KCND2: variants seen among roughly 807,000 people sequenced by gnomAD.
KCND2 encodes the protein A-type voltage-gated potassium channel KCND2.
In KCND2, 16 loss-of-function variants were observed where a neutral mutation model predicts 54.4. The observed-to-expected ratio is 0.29, with a 90% CI of 0.20 to 0.45. KCND2 has a LOEUF of 0.45. Among genes scored for constraint, KCND2 ranks in the 20% least tolerant of loss-of-function variants. The pLI is 1.00. For missense variants in KCND2, 486 were observed against 824.2 expected (o/e 0.59, Z 5.02); for synonymous variants, 317 against 310.7 (o/e 1.02, Z -0.21).
intron 1 of KCND2, among the ~76,000 whole-genome samples, chr7:120,479,883 C>G (rs930855787): frequency 6.8e-6 from 1 of 146,080 alleles, no homozygotes; most frequent in Admixed American, 6.9e-5. Context: ...ACAAGAATCA[C>G]TTGAACCTAG....
intron 1 of KCND2, among the ~76,000 whole-genome samples, chr7:120,534,387 A>C (rs891073407): frequency 1.3e-5 from 2 of 152,022 alleles, no homozygotes; most frequent in Non-Finnish European, 2.9e-5. Flanking sequence ...TGTCAGTCTA[A>C]CCACAAGACA....
intron 1 of KCND2, among the ~76,000 whole-genome samples, chr7:120,346,127 C>T (rs1800312515): frequency 6.6e-6 from 1 of 152,072 alleles, no homozygotes; most frequent in Non-Finnish European, 1.5e-5. Flanking sequence ...GCTTCTTGGC[C>T]ATTTGTATAT....
chr7:120,516,893 G>T (rs1430884367), intron 1 of KCND2, among the ~76,000 whole-genome samples: 3 of 152,082 alleles, frequency 2.0e-5, no homozygotes, highest in Admixed American at 1.3e-4. Flanking sequence ...AATGTGAACA[G>T]GCTCTAGAGA....
intron 1 of KCND2, among the ~76,000 whole-genome samples, chr7:120,515,398 A>G (rs1803181609): frequency 6.6e-6 from 1 of 152,136 alleles, no homozygotes; most frequent in Non-Finnish European, 1.5e-5. Flanking sequence ...ACAAGAGATA[A>G]TTTATATTAG....
chr7:120,702,718 A>G (rs559323920), intron 1 of KCND2, among the ~76,000 whole-genome samples: 5 of 152,234 alleles, frequency 3.3e-5, no homozygotes, highest in African/African-American at 1.2e-4. Context: ...ACTTATAAGC[A>G]GGAGCTAAAT....
intron 1 of KCND2, among the ~76,000 whole-genome samples, chr7:120,283,782 A>T (rs2116260673): frequency 6.6e-6 from 1 of 152,302 alleles, no homozygotes; most frequent in Non-Finnish European, 1.5e-5. Context: ...AAGGATTTTC[A>T]TTCCTTTTTT....
intron 1 of KCND2, among the ~76,000 whole-genome samples, chr7:120,367,641 CTT>C (rs563751531): frequency 7.3e-6 from 1 of 137,724 alleles, no homozygotes; most frequent in Non-Finnish European, 1.6e-5. Context: ...TTTTCTTTTT[CTT>C]TTTTTTTTTA....
intron 1 of KCND2, among the ~76,000 whole-genome samples, chr7:120,413,904 C>T (rs148979409): frequency 5.3e-4 from 80 of 150,844 alleles, no homozygotes; most frequent in African/African-American, 1.8e-3. Flanking sequence ...CTGTTTTAGT[C>T]CTTAAACCAA....
intron 1 of KCND2, among the ~76,000 whole-genome samples, chr7:120,362,845 C>T (rs1311503382): frequency 1.3e-5 from 2 of 151,802 alleles, no homozygotes; most frequent in Admixed American, 6.6e-5. Flanking sequence ...TCTGTTTTTC[C>T]GTTGACCACC....
chr7:120,682,954 T>C (rs1001358076), intron 1 of KCND2, among the ~76,000 whole-genome samples: 1 of 152,122 alleles, frequency 6.6e-6, no homozygotes, highest in African/African-American at 2.4e-5. Flanking sequence ...ATAGAACAAC[T>C]TGCAAAGAAT....
At chr7:120,668,507 A>AT (rs977671816) in intron 1 of KCND2, among the ~76,000 whole-genome samples, 8 of 151,844 alleles carry the variant, frequency 5.3e-5, no homozygotes, top group African/African-American at 1.7e-4. Context: ...ATTGTCCTTT[A>AT]TTTTTTTTGA....
chr7:120,386,148 A>G (rs1052610014), intron 1 of KCND2, among the ~76,000 whole-genome samples: 3 of 152,170 alleles, frequency 2.0e-5, no homozygotes, highest in Non-Finnish European at 4.4e-5. Flanking sequence ...TGTATAGTGC[A>G]TTATTTACCT....
intron 1 of KCND2, among the ~76,000 whole-genome samples, chr7:120,542,858 T>C (rs1027354793): frequency 2.0e-5 from 3 of 152,136 alleles, no homozygotes; most frequent in Non-Finnish European, 2.9e-5. Flanking sequence ...TCACTTGCTA[T>C]CAGTCAGGCA....
intron 1 of KCND2, among the ~76,000 whole-genome samples, chr7:120,557,247 G>A (rs182031227): frequency 6.6e-6 from 1 of 152,164 alleles, no homozygotes; most frequent in East Asian, 1.9e-4. Flanking sequence ...TAATTGGGAG[G>A]TCTCTTACCT....
rs979146816 is a variant in KCND2, at chr7:120,344,883, A to G, written c.1115+69136A>G. On this transcript the variant is annotated intron_variant, in intron 1 of 5. Transcript: ENST00000331113. ...GTTCTCTACTGAGTTCTTTGGACAC[A>G]TAGATGAATAAGGAGCATCCTTACC... Among the ~76,000 whole-genome samples the G allele has an allele frequency of 2.0e-5, 3 of 152,294 alleles. No individual in the cohort carries two copies. The East Asian group carries it at 5.8e-4, about 29-fold the overall frequency.
In KCND2 at chr7:120,598,078, T is replaced by G. The variant is rs180813251; in HGVS notation, c.1116-134825T>G. 6.0e-3 allele frequency among the ~76,000 whole-genome samples: 843 copies of G among 140,530 alleles called. 11 individuals are homozygous for G. Among genetic ancestry groups the G allele is most frequent in the African/African-American group, 0.021 (804 of 38,384 alleles). 92.2% of individuals were successfully genotyped at this position (140,530 alleles called of 152,430 possible). A position where few individuals can be genotyped will look rare whatever the true frequency, so the allele number is the denominator to read the frequency against. On this transcript the variant is annotated intron_variant, in intron 1 of 5. Transcript: ENST00000331113. ...AGAGACACCATTAACCCAAAAAAAC[T>G]AAAAAAAAAAACTAAAGAAAAACTA...
chr7:120,472,435 G>T (rs563097955), intron 1 of KCND2, among the ~76,000 whole-genome samples: 1 of 152,024 alleles, frequency 6.6e-6, no homozygotes, highest in Non-Finnish European at 1.5e-5. Flanking sequence ...ATGGGCTTCC[G>T]AATAACATTG....
Position 120,274,477 on chromosome 7 carries a change from CTT to C in KCND2, c.-154_-153del. On this transcript the variant is annotated 5_prime_UTR_variant, in exon 1 of 6. Transcript: ENST00000331113. ...AAAGTTGCCCTTCTGAGAACTGTGA[CTT>C]TACCAGGAGCCCTATCTTGGAATAA... is the stretch of plus-strand genomic sequence containing the variant. 1.2e-6 allele frequency: 1 copy of C among 825,904 alleles called. No individual in the cohort carries two copies. Among genetic ancestry groups the C allele is most frequent in the Admixed American group, 2.1e-5 (1 of 48,736 alleles). The allele number at this position is 825,904 out of a possible 1,614,324, so 51.2% of individuals were successfully genotyped here.
intron 1 of KCND2, among the ~76,000 whole-genome samples, chr7:120,495,739 CA>C (rs988136824): frequency 6.6e-6 from 1 of 152,114 alleles, no homozygotes; most frequent in African/African-American, 2.4e-5. Context: ...GTGAAGACAA[CA>C]GTTCAAAATA....
Sources: allele counts gnomAD v4.1 joint callset (sites outside exome capture counted in the v4.1 genomes callset), GRCh38; gene constraint gnomAD v4.1.1; transcripts MANE v1.5; gene names NCBI Gene and HGNC (gene_info 2026-07-23, HGNC 2026-07-21).